The following PTPRS variants were observed in gnomAD, a reference collection of about 807,000 sequenced individuals.
PTPRS encodes protein tyrosine phosphatase receptor type S.
In PTPRS, 63 loss-of-function variants were observed where a neutral mutation model predicts 215.3. That is an observed-to-expected ratio of 0.29 (90% confidence interval 0.24 to 0.36). The LOEUF is 0.36. PTPRS is among the 10% of genes least tolerant of loss of function. PTPRS has a pLI of 1.00. For synonymous variants in PTPRS, 1,404 were observed against 1,191.4 expected, an observed-to-expected ratio of 1.18 and a Z score of -3.68; for missense variants, 2,258 against 2,825.8, an observed-to-expected ratio of 0.80 and a Z score of 4.56.
intron 4 of PTPRS, among the ~76,000 whole-genome samples, chr19:5,269,146 C>T (rs138432713): frequency 2.0e-5 from 3 of 152,052 alleles, no homozygotes; most frequent in South Asian, 2.1e-4. Context: ...TTCATTCATG[C>T]GTGGGTACAT....
Position 5,338,511 on chromosome 19 carries a change from CG to C in PTPRS, c.-95+2152del, listed in dbSNP as rs887101591. The stretch of plus-strand genomic sequence containing the variant: ...CCACGGAAGGCTTTGTGGAGGGCAG[CG>C]GGGGGGTAGGGGAGGGATGCCCAGG... On this transcript the variant is annotated intron_variant, in intron 1 of 37. Transcript: ENST00000262963. The surrounding 1 kb of genome is among the most constrained non-coding windows in gnomAD (Gnocchi z 4.2). 1.3e-4 allele frequency among the ~76,000 whole-genome samples: 20 copies of C among 148,192 alleles called. No individual in the cohort carries two copies. The highest frequency in any genetic ancestry group is 4.9e-4 in the African/African-American group (20 of 40,752).
chr19:5,297,165 G>C (rs1050194186), intron 1 of PTPRS, among the ~76,000 whole-genome samples: 2 of 152,186 alleles, frequency 1.3e-5, no homozygotes, highest in African/African-American at 4.8e-5. Flanking sequence ...TATGTCCTCT[G>C]TATACACCCA....
At chr19:5,223,344 GC>G in intron 17 of PTPRS, 47 bp from the exon 18 acceptor site, 1 of 1,416,904 alleles carries the variant, frequency 7.1e-7, no homozygotes, top group Non-Finnish European at 9.1e-7. Flanking sequence ...CCATCCGCCA[GC>G]CCAGAGGCAC....
At chr19:5,222,281 C>CTCA in intron 18 of PTPRS, 61 bp from the exon 19 acceptor site, 1 of 1,417,952 alleles carries the variant, frequency 7.1e-7, no homozygotes, top group Non-Finnish European at 9.9e-7. Flanking sequence ...GTGCCTGGCA[C>CTCA]TGGGTGGCGT....
chr19:5,211,064 C>T (rs1002668115), intron 33 of PTPRS, among the ~76,000 whole-genome samples: 1 of 152,214 alleles, frequency 6.6e-6, no homozygotes, highest in Non-Finnish European at 1.5e-5. Context: ...CTGATTTCTT[C>T]CCTCCATCTC....
At position 5,257,545 on chromosome 19, in the gene PTPRS, G is replaced by C. The variant is rs2045659091; in HGVS notation, c.706+472C>G. ...CTTCTAGATTGAGGGCCCTGGATTA[G>C]GGGGGGCAGTGAAGCGGGGAGCTAC... On this transcript the variant is annotated intron_variant, in intron 8 of 37. Coordinates refer to ENST00000262963, the MANE Select transcript of PTPRS (RefSeq NM_002850.4). The surrounding 1 kb of genome is among the most constrained non-coding windows in gnomAD (Gnocchi z 4.4). 1 of 440,144 alleles carries C rather than the reference G, an allele frequency of 2.3e-6. No homozygotes were observed. Among genetic ancestry groups the C allele is most frequent in the Non-Finnish European group, 4.6e-6 (1 of 218,746 alleles). The allele number at this position is 440,144 out of a possible 1,614,324, so 27.3% of individuals were successfully genotyped here.
chr19:5,248,063 G>T (rs946143358), intron 9 of PTPRS, among the ~76,000 whole-genome samples: 24 of 146,760 alleles, frequency 1.6e-4, no homozygotes, highest in Non-Finnish European at 3.1e-4. Flanking sequence ...TTCTGGTAGG[G>T]CTGGGTGGAG....
rs146621666 is a variant in PTPRS, at chr19:5,212,393, C to T, written c.4713G>A (p.Leu1571=). Residue 1571 remains leucine, a synonymous_variant, in exon 31 of 38, where the codon CTG becomes CTA. Transcript: ENST00000262963. ...GCGGGTTGCAGGTCTTGACTCTCCGCAGGAAAGCCAGGAAGGGCGTTGGGT... is the reference window on the plus strand; with the variant it reads ...GCGGGTTGCAGGTCTTGACTCTCCGTAGGAAAGCCAGGAAGGGCGTTGGGT... ...PEYPTPFLAF[L]RRVKTCNPPD... 1.9e-6 allele frequency: 3 copies of T among 1,606,612 alleles called. No individual in the cohort carries two copies. The East Asian group carries it at 6.7e-5, about 36-fold the overall frequency.
intron 1 of PTPRS, among the ~76,000 whole-genome samples, chr19:5,310,842 A>C (rs1332372843): frequency 6.6e-6 from 1 of 152,046 alleles, no homozygotes; most frequent in Non-Finnish European, 1.5e-5. Flanking sequence ...AGTAGCTGGG[A>C]CTATAGGCTT....
At chr19:5,328,114 G>GT (rs573658366) in intron 1 of PTPRS, among the ~76,000 whole-genome samples, 169 of 150,962 alleles carry the variant, frequency 1.1e-3, no homozygotes, top group East Asian at 1.6e-3. Context: ...CACTTCTTTT[G>GT]TTTTTTTTTG....
chr19:5,338,165 G>A lies in PTPRS; in HGVS notation c.-95+2499C>T, dbSNP rs898531961. On this transcript the variant is annotated intron_variant, in intron 1 of 37. Transcript: ENST00000262963. This position sits in a 1 kb window ranked among gnomAD's most constrained non-coding sequence, Gnocchi z 4.2. ...GGGACGGCATCTCTGGACGGCCACT[G>A]ACAGTACCAGTCTCTGTCACCCCCT... 2.0e-5 allele frequency among the ~76,000 whole-genome samples: 3 copies of A among 152,212 alleles called. No homozygotes were observed. The highest frequency in any genetic ancestry group is 7.2e-5 in the African/African-American group (3 of 41,452).
intron 1 of PTPRS, among the ~76,000 whole-genome samples, chr19:5,307,813 G>A (rs1414283912): frequency 5.9e-5 from 9 of 152,302 alleles, no homozygotes; most frequent in Admixed American, 3.3e-4. Flanking sequence ...TTTTATCATC[G>A]CCATATCGGG....
At chr19:5,215,181 C>T (rs185975908) in intron 28 of PTPRS, 108 bp downstream of exon 28, 491 of 1,456,224 alleles carry the variant, frequency 3.4e-4, no homozygotes, top group African/African-American at 1.3e-3. Flanking sequence ...GGAGCTGGAC[C>T]AGGTCTATGA....
At chr19:5,321,581 G>T (rs1055731574) in intron 1 of PTPRS, among the ~76,000 whole-genome samples, 1 of 152,202 alleles carries the variant, frequency 6.6e-6, no homozygotes, top group South Asian at 2.1e-4. Flanking sequence ...CTCGTGCCTC[G>T]TGAGTACCCA....
At chr19:5,220,404 G>A (rs933100818) in intron 20 of PTPRS, 51 bp from the exon 21 acceptor site, 2 of 1,489,614 alleles carry the variant, frequency 1.3e-6, no homozygotes, top group Admixed American at 1.8e-5. Context: ...GGATGACCAA[G>A]GGATGCTTCA....
chr19:5,259,762 G>C (rs1172050060), intron 7 of PTPRS, among the ~76,000 whole-genome samples: 3 of 152,210 alleles, frequency 2.0e-5, no homozygotes, highest in African/African-American at 4.8e-5. Flanking sequence ...TCCAGACTGA[G>C]CTTTCCAGCC....
At chr19:5,216,859 T>G in intron 25 of PTPRS, 92 bp from the exon 26 acceptor site, 1 of 833,464 alleles carries the variant, frequency 1.2e-6, no homozygotes, top group Non-Finnish European at 2.0e-6. Flanking sequence ...GGCTGGCGGA[T>G]GCAAAGGGCA....
chr19:5,215,133 T>C (rs2041304061), intron 28 of PTPRS, among the ~76,000 whole-genome samples, 156 bp downstream of exon 28: 1 of 152,162 alleles, frequency 6.6e-6, no homozygotes, highest in South Asian at 2.1e-4. Flanking sequence ...CAGCCATCAG[T>C]TAAATACATA....
rs765834722 is a variant in PTPRS at position 5,243,977 on chromosome 19, G to A, written c.1494C>T (p.Thr498=). 7.1e-5 allele frequency: 113 copies of A among 1,601,950 alleles called. No individual in the cohort carries two copies. Among genetic ancestry groups the A allele is most frequent in the African/African-American group, 1.3e-4 (10 of 74,908 alleles). The stretch of plus-strand genomic sequence containing the variant: ...CGGAGGTGAAGGCGAGCACCCGCAC[G>A]GTGTAGGTCTCGTCCTCCAGCAGGC... ...VGSLLEDETY[T]VRVLAFTSVG... The change falls in exon 11 of 38, where the codon ACC becomes ACT. Residue 498 remains threonine (T), a synonymous_variant. Transcript: ENST00000262963.
Sources: allele counts gnomAD v4.1 joint callset (sites outside exome capture counted in the v4.1 genomes callset), GRCh38; gene constraint gnomAD v4.1.1; non-coding constraint Gnocchi (gnomAD v3.1); transcripts MANE v1.5; gene names NCBI Gene and HGNC (gene_info 2026-07-23, HGNC 2026-07-21).